The following ERBB4 variants were observed in gnomAD, a reference collection of about 807,000 sequenced individuals.
ERBB4 encodes the protein erb-b2 receptor tyrosine kinase 4, also known as receptor tyrosine-protein kinase erbB-4.
ERBB4 carries 42 observed loss-of-function variants against 158.0 expected under a neutral mutation model. The ratio of observed to expected loss-of-function variants is 0.27; its 90% CI spans 0.21 to 0.34. The LOEUF (loss-of-function observed/expected upper bound fraction) is 0.34, where lower values mean the gene tolerates loss of function less well. Ranked by LOEUF, ERBB4 falls within the 10% of genes least tolerant of loss-of-function variation. The pLI is 1.00. For synonymous variants in ERBB4, 583 were observed against 558.7 expected, an observed-to-expected ratio of 1.04 and a Z score of -0.61; for missense variants, 1,333 against 1,624.1, an observed-to-expected ratio of 0.82 and a Z score of 3.08.
intron 1 of ERBB4, among the ~76,000 whole-genome samples, chr2:212,318,777 T>C (rs916287844): frequency 1.3e-5 from 2 of 151,588 alleles, no homozygotes; most frequent in Admixed American, 1.3e-4. Flanking sequence ...CTTAAAAGGC[T>C]TCTTATTTTT....
At chr2:212,270,038 A>T (rs957362823) in intron 1 of ERBB4, among the ~76,000 whole-genome samples, 4 of 151,846 alleles carry the variant, frequency 2.6e-5, no homozygotes, top group African/African-American at 9.7e-5. Flanking sequence ...TAAAGTGACT[A>T]AGGAGTTTTG....
Position 211,921,159 on chromosome 2 carries a change from T to C in ERBB4, c.421+26271A>G, listed in dbSNP as rs755496241. 2.0e-3 allele frequency among the ~76,000 whole-genome samples: 305 copies of C among 152,188 alleles called. 3 individuals carry two copies. The highest frequency in any genetic ancestry group is 1.3e-3 in the Non-Finnish European group (90 of 67,920). Reference sequence around the variant, plus strand: ...AACACTATCACTTCTTACTACAAATTACTAAGATTGGTTCCTTTCTTTGTC... The same window carrying C: ...AACACTATCACTTCTTACTACAAATCACTAAGATTGGTTCCTTTCTTTGTC... On this transcript the variant is annotated intron_variant, in intron 3 of 27. Transcript: ENST00000342788.
chr2:211,460,414 T>C (rs1204894532), intron 20 of ERBB4, among the ~76,000 whole-genome samples: 2 of 152,168 alleles, frequency 1.3e-5, no homozygotes, highest in Non-Finnish European at 2.9e-5. Flanking sequence ...TGTTGAACCT[T>C]AACCAGCCTC....
intron 1 of ERBB4, among the ~76,000 whole-genome samples, chr2:212,336,110 TTC>T (rs2088430499): frequency 6.6e-6 from 1 of 152,024 alleles, no homozygotes; most frequent in African/African-American, 2.4e-5. Context: ...CGTATTAATG[TTC>T]CACAGGAAAA....
At chr2:211,978,363 A>AGTCTGTCTGTCTGTCT (rs36173850) in intron 2 of ERBB4, among the ~76,000 whole-genome samples, 10 of 135,270 alleles carry the variant, frequency 7.4e-5, no homozygotes, top group Middle Eastern at 3.9e-3. Context: ...AAGGAGTCTG[A>AGTCTGTCTGTCTGTCT]GTCTGTCTGT....
At chr2:212,127,715 G>A (rs79348504) in intron 1 of ERBB4, among the ~76,000 whole-genome samples, 3,315 of 152,148 alleles carry the variant, frequency 0.022, 129 homozygotes, top group African/African-American at 0.076. Flanking sequence ...AAGATTGGAC[G>A]GCCCTGATAT....
chr2:211,635,072 G>T (rs1413670004), intron 16 of ERBB4, among the ~76,000 whole-genome samples: 1 of 152,150 alleles, frequency 6.6e-6, no homozygotes, highest in Non-Finnish European at 1.5e-5. Flanking sequence ...AGAATACTCT[G>T]ATTCCTTATC....
intron 1 of ERBB4, among the ~76,000 whole-genome samples, chr2:212,519,446 T>C (rs1371774638): frequency 5.3e-5 from 8 of 151,742 alleles, no homozygotes; most frequent in Admixed American, 3.3e-4. Flanking sequence ...GTCTGGGTAA[T>C]ATTAAAGCTA....
intron 5 of ERBB4, among the ~76,000 whole-genome samples, chr2:211,740,513 G>A (rs946012778): frequency 6.6e-6 from 1 of 151,344 alleles, no homozygotes; most frequent in Non-Finnish European, 1.5e-5. Flanking sequence ...CACAAGAAAA[G>A]TTGACCTGTA....
rs964064136 is a variant in ERBB4 at position 211,888,590 on chromosome 2, G to A, written c.421+58840C>T. ...ACAGCTCCGGTCTACAGCTCCCAGCGTGAGCGACGCAGAAGACGGGTGATT... is the reference window on the plus strand; with the variant it reads ...ACAGCTCCGGTCTACAGCTCCCAGCATGAGCGACGCAGAAGACGGGTGATT... On this transcript the variant is annotated intron_variant, in intron 3 of 27. Coordinates refer to ENST00000342788, the MANE Select transcript of ERBB4 (RefSeq NM_005235.3). Among the ~76,000 whole-genome samples the A allele has an allele frequency of 7.2e-5, 11 of 152,332 alleles. No individual in the cohort carries two copies. In the East Asian group the frequency reaches 1.9e-3, roughly 27 times the overall value.
chr2:211,856,117 C>A (rs192131540), intron 3 of ERBB4, among the ~76,000 whole-genome samples: 143 of 152,274 alleles, frequency 9.4e-4, no homozygotes, highest in Non-Finnish European at 1.5e-3. Flanking sequence ...TATTATACCA[C>A]AAATTGCCTA....
chr2:211,627,138 C>G (rs1189289577), intron 17 of ERBB4, among the ~76,000 whole-genome samples: 1 of 152,124 alleles, frequency 6.6e-6, no homozygotes, highest in Admixed American at 6.5e-5. Context: ...TAAATGTACA[C>G]TGCTATTCCA....
At position 212,538,638 on chromosome 2, in the gene ERBB4, G is replaced by A; in HGVS notation, c.-108C>T. 3 of 1,191,398 alleles carry A rather than the reference G, an allele frequency of 2.5e-6. No homozygotes were observed. The highest frequency in any genetic ancestry group is 2.5e-5 in the East Asian group (1 of 40,246). 73.8% of individuals were successfully genotyped at this position (1,191,398 alleles called of 1,614,324 possible). On this transcript the variant is annotated 5_prime_UTR_variant, in exon 1 of 28. Coordinates refer to ENST00000342788, the MANE Select transcript of ERBB4 (RefSeq NM_005235.3). Reference sequence around the variant, plus strand: ...CAGCCGGGCGCGCGTGGGGGTGCGAGGGGGGCGGGCGCGGCGCGCGCGGTG... The same window carrying A: ...CAGCCGGGCGCGCGTGGGGGTGCGAAGGGGGCGGGCGCGGCGCGCGCGGTG...
At chr2:212,166,340 T>A (rs2081346114) in intron 1 of ERBB4, among the ~76,000 whole-genome samples, 1 of 152,106 alleles carries the variant, frequency 6.6e-6, no homozygotes, top group Non-Finnish European at 1.5e-5. Context: ...GGTTGGAAAT[T>A]CATTTGGTTG....
chr2:211,917,366 G>A (rs775934410), intron 3 of ERBB4, among the ~76,000 whole-genome samples: 1 of 152,152 alleles, frequency 6.6e-6, no homozygotes, highest in African/African-American at 2.4e-5. Flanking sequence ...ACACAGTGGA[G>A]ATGGGTACAG....
chr2:211,937,674 G>T (rs1203272104), intron 3 of ERBB4, among the ~76,000 whole-genome samples: 3 of 152,062 alleles, frequency 2.0e-5, no homozygotes, highest in Admixed American at 2.0e-4. Context: ...GCCCAGAGAA[G>T]GGGGAAGCCC....
intron 20 of ERBB4, among the ~76,000 whole-genome samples, chr2:211,474,955 G>A (rs147812228): frequency 6.6e-6 from 1 of 152,060 alleles, no homozygotes; most frequent in African/African-American, 2.4e-5. Context: ...TGGAAGACTG[G>A]GGAAGAGAGA....
intron 1 of ERBB4, among the ~76,000 whole-genome samples, chr2:212,470,473 C>A (rs535916646): frequency 6.6e-6 from 1 of 152,220 alleles, no homozygotes; most frequent in South Asian, 2.1e-4. Context: ...CAATCAGAGA[C>A]CTTCTCTGAG....
At chr2:212,300,190 T>C (rs1192495744) in intron 1 of ERBB4, among the ~76,000 whole-genome samples, 1 of 151,622 alleles carries the variant, frequency 6.6e-6, no homozygotes, top group African/African-American at 2.4e-5. Context: ...TGAACCATTG[T>C]TGGAGATTGT....
Sources: gnomAD v4.1 joint callset for allele counts (sites outside exome capture counted in the v4.1 genomes callset) on GRCh38, gnomAD v4.1.1 for gene constraint, MANE v1.5 for transcripts, NCBI Gene and HGNC (gene_info 2026-07-23, HGNC 2026-07-21) for gene names.